The following NT5C1A variants were observed in gnomAD, a reference collection of about 807,000 sequenced individuals.
The protein encoded by NT5C1A is cytosolic 5'-nucleotidase 1A.
Under a neutral mutation model 31.0 loss-of-function variants are expected in NT5C1A, and 18 were observed. The ratio of observed to expected loss-of-function variants is 0.58; its 90% CI spans 0.40 to 0.86. The LOEUF is 0.86. Ranked by LOEUF, NT5C1A falls within the 40% of genes least tolerant of loss-of-function variation. NT5C1A has a pLI of 0.00. For synonymous variants in NT5C1A, 185 were observed against 203.6 expected (o/e 0.91, Z 0.78); for missense variants, 470 against 505.4 (o/e 0.93, Z 0.67).
rs1646554608 is a variant in NT5C1A at position 39,671,941 on chromosome 1, A to G, written c.98T>C (p.Phe33Ser). Residue 33 changes from phenylalanine to serine, a missense_variant, in exon 1 of 6, where the codon TTC (phenylalanine) becomes TCC (serine). Coordinates refer to ENST00000235628, the MANE Select transcript of NT5C1A (RefSeq NM_032526.3). ...AAPVWEEAKI[F>S]YDNLAPKKKP... Reference sequence around the variant, plus strand: ...CTTCTTGGGCGCGAGGTTGTCGTAGAAAATCTTGGCTTCCTCCCAGACCGG... The same window carrying G: ...CTTCTTGGGCGCGAGGTTGTCGTAGGAAATCTTGGCTTCCTCCCAGACCGG... 1 of 1,613,338 alleles carries G rather than the reference A, an allele frequency of 6.2e-7. No homozygotes were observed. Among genetic ancestry groups the G allele is most frequent in the Non-Finnish European group, 8.5e-7 (1 of 1,179,882 alleles).
At position 39,654,590 on chromosome 1, in the gene NT5C1A, C is replaced by A. The variant is rs1282291149; in HGVS notation, c.*4531G>T. Reference sequence around the variant, plus strand: ...TTGGGAGAGCACATTCAAGTCAAATCAGTGCATCAACAAAACTGCAAATTA... The same window carrying A: ...TTGGGAGAGCACATTCAAGTCAAATAAGTGCATCAACAAAACTGCAAATTA... On this transcript the variant is annotated 3_prime_UTR_variant, in exon 6 of 6. Coordinates refer to ENST00000235628, the MANE Select transcript of NT5C1A (RefSeq NM_032526.3). Among the ~76,000 whole-genome samples, 1 of 152,230 alleles carries A rather than the reference C, an allele frequency of 6.6e-6. No individual in the cohort carries two copies. The highest frequency in any genetic ancestry group is 2.4e-5 in the African/African-American group (1 of 41,472).
At chr1:39,669,867 A>G (rs1335628836) in intron 1 of NT5C1A, among the ~76,000 whole-genome samples, 1 of 152,202 alleles carries the variant, frequency 6.6e-6, no homozygotes, top group African/African-American at 2.4e-5. Flanking sequence ...AATCCATCCC[A>G]GAGTGATCTT....
At chr1:39,660,417 T>C (rs2124150937) in intron 5 of NT5C1A, among the ~76,000 whole-genome samples, 1 of 152,298 alleles carries the variant, frequency 6.6e-6, no homozygotes, top group Non-Finnish European at 1.5e-5. Context: ...TAGGGTATAT[T>C]CTGTTCTGAG....
rs775098731 is a variant in NT5C1A at position 39,661,259 on chromosome 1, G to A, written c.561C>T (p.Ile187=). Reference sequence around the variant, plus strand: ...TGGGGCTGAAGATGGTGGCAGCTGCGATCCCTAGGCAGAGAGAGGCAAGCA... The same window carrying A: ...TGGGGCTGAAGATGGTGGCAGCTGCAATCCCTAGGCAGAGAGAGGCAAGCA... The part of the protein sequence containing the change: ...EKVREAIDEG[I]AAATIFSPSR... The change falls in exon 5 of 6, where the codon ATC becomes ATT. Residue 187 remains isoleucine (I), a synonymous_variant. Coordinates refer to ENST00000235628, the MANE Select transcript of NT5C1A (RefSeq NM_032526.3). The A allele has an allele frequency of 1.0e-5, 16 of 1,563,198 alleles. No individual in the cohort carries two copies. In the East Asian group the frequency reaches 1.6e-4, roughly 16 times the overall value.
Position 39,657,251 on chromosome 1 carries a change from G to T in NT5C1A, c.*1870C>A, listed in dbSNP as rs1331527836. 1.3e-5 allele frequency among the ~76,000 whole-genome samples: 2 copies of T among 152,126 alleles called. No individual in the cohort carries two copies. The highest frequency in any genetic ancestry group is 4.2e-4 in the South Asian group (2 of 4,818). ...CCTTTCTCTTCTGGCCCAAATCGTT[G>T]CTCATTTGAGAACCGTCTCTGCCTT... is the stretch of plus-strand genomic sequence containing the variant. On this transcript the variant is annotated 3_prime_UTR_variant, in exon 6 of 6. Transcript: ENST00000235628.
chr1:39,665,533 T>C lies in NT5C1A; in HGVS notation c.421A>G (p.Ile141Val). The change falls in exon 3 of 6, where the codon ATC becomes GTC. Residue 141 changes from isoleucine to valine, a missense_variant. Coordinates refer to ENST00000235628, the MANE Select transcript of NT5C1A (RefSeq NM_032526.3). ...AQVGVRLINSINHYDLFIERF... is the reference protein window; with the variant it reads ...AQVGVRLINSVNHYDLFIERF... ...TGCTCATGCTCACCATAGTGGTTGA[T>C]ACTGTTGATGAGGCGGACACCCACT... 1.9e-6 allele frequency: 3 copies of C among 1,612,924 alleles called. No individual in the cohort carries two copies. Among genetic ancestry groups the C allele is most frequent in the Non-Finnish European group, 2.5e-6 (3 of 1,179,674 alleles).
chr1:39,671,007 C>T (rs149664321), intron 1 of NT5C1A, among the ~76,000 whole-genome samples: 2 of 152,252 alleles, frequency 1.3e-5, no homozygotes, highest in East Asian at 3.9e-4. Context: ...TGAATGATTG[C>T]TGATAGGGTG....
At chr1:39,671,417 C>T (rs577226164) in intron 1 of NT5C1A, among the ~76,000 whole-genome samples, 1 of 152,202 alleles carries the variant, frequency 6.6e-6, no homozygotes, top group Non-Finnish European at 1.5e-5. Flanking sequence ...ACGCGGGGAG[C>T]GCACTGCCCC....
chr1:39,666,932 C>T (rs1188096488), intron 1 of NT5C1A, among the ~76,000 whole-genome samples: 1 of 152,224 alleles, frequency 6.6e-6, no homozygotes, highest in Non-Finnish European at 1.5e-5. Context: ...AATCCACCCA[C>T]TTCTTTCGTT....
chr1:39,661,033 G>C (rs1354401045), intron 5 of NT5C1A, 46 bp downstream of exon 5: 2 of 1,211,542 alleles, frequency 1.7e-6, no homozygotes, highest in East Asian at 4.7e-5. Flanking sequence ...GCAGGTCTGG[G>C]GAGCTGCCTT....
rs1429042857 is a variant in NT5C1A at position 39,655,784 on chromosome 1, C to T, written c.*3337G>A. On this transcript the variant is annotated 3_prime_UTR_variant, in exon 6 of 6. Transcript: ENST00000235628. ...GGCTGCATTGTGGGAAAATGGAGCG[C>T]TCACAGTGGAAAGGTCAGCTGAGGC... is the stretch of plus-strand genomic sequence containing the variant. 1.3e-5 allele frequency among the ~76,000 whole-genome samples: 2 copies of T among 152,030 alleles called. No individual in the cohort carries two copies. The highest frequency in any genetic ancestry group is 2.9e-5 in the Non-Finnish European group (2 of 68,012).
Position 39,656,298 on chromosome 1 carries a change from C to T in NT5C1A, c.*2823G>A, listed in dbSNP as rs998219847. On this transcript the variant is annotated 3_prime_UTR_variant, in exon 6 of 6. Coordinates refer to ENST00000235628, the MANE Select transcript of NT5C1A (RefSeq NM_032526.3). ...GGCTTTTTAATTTACTGGTGAACAA[C>T]ACTCAATGTTCCTCATCCCTGGGCA... 6.6e-6 allele frequency among the ~76,000 whole-genome samples: 1 copy of T among 152,216 alleles called. No homozygotes were observed. Among genetic ancestry groups the T allele is most frequent in the African/African-American group, 2.4e-5 (1 of 41,452 alleles).
At chr1:39,669,589 A>G (rs1646539947) in intron 1 of NT5C1A, among the ~76,000 whole-genome samples, 1 of 152,336 alleles carries the variant, frequency 6.6e-6, no homozygotes, top group Middle Eastern at 3.4e-3. Context: ...GGAGCTGGGA[A>G]GCCTCCAGGC....
chr1:39,672,066 A>G lies in NT5C1A; in HGVS notation c.-28T>C. 2 of 1,542,954 alleles carry G rather than the reference A, an allele frequency of 1.3e-6. No homozygotes were observed. Among genetic ancestry groups the G allele is most frequent in the Non-Finnish European group, 1.7e-6 (2 of 1,156,208 alleles). On this transcript the variant is annotated 5_prime_UTR_variant, in exon 1 of 6. Transcript: ENST00000235628. ...TCCGGCTCTGACCCGGCCCGGCCAGAGCAGGCGGCGGCGTAGACGCGGAGG... is the reference window on the plus strand; with the variant it reads ...TCCGGCTCTGACCCGGCCCGGCCAGGGCAGGCGGCGGCGTAGACGCGGAGG...
Position 39,656,747 on chromosome 1 carries a change from C to A in NT5C1A, c.*2374G>T, listed in dbSNP as rs1646460777. On this transcript the variant is annotated 3_prime_UTR_variant, in exon 6 of 6. Coordinates refer to ENST00000235628, the MANE Select transcript of NT5C1A (RefSeq NM_032526.3). ...AGTCAGCCTGTTGCCATGCTGTGAG[C>A]CTGGGCTGTGCCCGGCCTTGTAGGC... Among the ~76,000 whole-genome samples the A allele has an allele frequency of 6.6e-6, 1 of 152,254 alleles. No individual in the cohort carries two copies. Among genetic ancestry groups the A allele is most frequent in the Non-Finnish European group, 1.5e-5 (1 of 68,046 alleles).
In NT5C1A at chr1:39,670,642, C is replaced by G. The variant is rs1307079203; in HGVS notation, c.135+1262G>C. Among the ~76,000 whole-genome samples, 4 of 152,360 alleles carry G rather than the reference C, an allele frequency of 2.6e-5. No individual in the cohort carries two copies. The East Asian group carries it at 7.7e-4, about 29-fold the overall frequency. The stretch of plus-strand genomic sequence containing the variant: ...GGTCCAGACTCCTTAACATGATCCC[C>G]AAGGCCCTCTGTGGGCTCTTCCACA... On this transcript the variant is annotated intron_variant, in intron 1 of 5. Coordinates refer to ENST00000235628, the MANE Select transcript of NT5C1A (RefSeq NM_032526.3).
At position 39,658,926 on chromosome 1, in the gene NT5C1A, G is replaced by T. The variant is rs1646476225; in HGVS notation, c.*195C>A. ...CTCTCCTACTCAGGATCATGGCACA[G>T]AATTTGCCCCAAAGGAGGGATGTTG... On this transcript the variant is annotated 3_prime_UTR_variant, in exon 6 of 6. Transcript: ENST00000235628. 6.6e-6 allele frequency among the ~76,000 whole-genome samples: 1 copy of T among 152,152 alleles called. No individual in the cohort carries two copies. Among genetic ancestry groups the T allele is most frequent in the Admixed American group, 6.5e-5 (1 of 15,278 alleles).
intron 4 of NT5C1A, among the ~76,000 whole-genome samples, chr1:39,663,012 AG>A (rs573572233): frequency 9.2e-5 from 14 of 152,246 alleles, no homozygotes; most frequent in Non-Finnish European, 2.1e-4. Context: ...GAGGAATCAT[AG>A]AAGAAAGTAG....
At chr1:39,665,671 C>T (rs752508823) in intron 2 of NT5C1A, 21 bp from the exon 3 acceptor site, 1 of 1,610,872 alleles carries the variant, frequency 6.2e-7, no homozygotes, top group South Asian at 1.1e-5. Context: ...GAGGGCACCC[C>T]CCAGCTTAGA....
Sources: allele counts gnomAD v4.1 joint callset (sites outside exome capture counted in the v4.1 genomes callset), GRCh38; gene constraint gnomAD v4.1.1; transcripts MANE v1.5; gene names NCBI Gene and HGNC (gene_info 2026-07-23, HGNC 2026-07-21).